The following SRSF11 variants were observed in gnomAD, a reference collection of about 807,000 sequenced individuals.
SRSF11 encodes the protein serine/arginine-rich splicing factor 11.
Under a neutral mutation model 56.0 loss-of-function variants are expected in SRSF11, and 9 were observed. That is an observed-to-expected ratio of 0.16 (90% CI 0.10 to 0.28). The LOEUF (loss-of-function observed/expected upper bound fraction) is 0.28. Among genes scored for constraint, SRSF11 ranks in the 10% least tolerant of loss-of-function variants. The probability of loss-of-function intolerance (pLI) is 1.00; values close to 1 mark genes in which losing one functional copy is unlikely to be tolerated. For synonymous variants in SRSF11, 222 were observed against 215.3 expected (o/e 1.03, Z -0.27); for missense variants, 421 against 600.7 (o/e 0.70, Z 3.13).
chr1:70,226,682 T>C (rs1671859258), intron 1 of SRSF11, among the ~76,000 whole-genome samples: 1 of 152,186 alleles, frequency 6.6e-6, no homozygotes, highest in Non-Finnish European at 1.5e-5. Flanking sequence ...AGCTTTGTAA[T>C]TTATTGATGG....
intron 2 of SRSF11, chr1:70,230,974 C>A: frequency 8.1e-7 from 1 of 1,229,592 alleles, no homozygotes; most frequent in Non-Finnish European, 1.0e-6. Context: ...CTGACACAAG[C>A]AAGATAACAG....
chr1:70,250,205 A>C, intron 10 of SRSF11, 158 bp downstream of exon 10: 1 of 1,315,472 alleles, frequency 7.6e-7, no homozygotes, highest in Non-Finnish European at 1.0e-6. Flanking sequence ...TAAGGACTGA[A>C]CATTTTAGTC....
At chr1:70,241,598 C>A (rs74774895) in intron 7 of SRSF11, among the ~76,000 whole-genome samples, 2 of 152,146 alleles carry the variant, frequency 1.3e-5, no homozygotes, top group Non-Finnish European at 2.9e-5. Flanking sequence ...TCTTTTTACA[C>A]GTGTCATTTG....
chr1:70,234,827 C>G (rs780831646), intron 4 of SRSF11, 39 bp downstream of exon 4: 1 of 1,494,972 alleles, frequency 6.7e-7, no homozygotes, highest in South Asian at 1.2e-5. Flanking sequence ...CCCATTTTTA[C>G]AGAAGATCTG....
At position 70,244,784 on chromosome 1, in the gene SRSF11, G is replaced by C. The variant is rs775320802; in HGVS notation, c.901G>C (p.Gly301Arg). Reference sequence around the variant, plus strand: ...GAGAAGATCTCATTCCAGAGAAAGAGGTAGAAGGTCAAGGAGCACATCAAA... The same window carrying C: ...GAGAAGATCTCATTCCAGAGAAAGACGTAGAAGGTCAAGGAGCACATCAAA... ...RRRRSHSRER[G>R]RRSRSTSKTR... The change falls in exon 8 of 12, where the codon GGT becomes CGT. Residue 301 changes from glycine to arginine, a missense_variant. Around this residue, in one of 2 missense-constraint regions of SRSF11, gnomAD observed 253 missense variants for 305.8 expected, o/e 0.83. Transcript: ENST00000370949. 3.1e-6 allele frequency: 5 copies of C among 1,614,118 alleles called. No individual in the cohort carries two copies. Among genetic ancestry groups the C allele is most frequent in the Non-Finnish European group, 4.2e-6 (5 of 1,180,012 alleles).
intron 3 of SRSF11, among the ~76,000 whole-genome samples, chr1:70,232,716 T>C (rs1673073790): frequency 6.6e-6 from 1 of 152,192 alleles, no homozygotes; most frequent in South Asian, 2.1e-4. Flanking sequence ...GAAGTTAAAA[T>C]TTCACAAGTG....
At chr1:70,231,214 T>C in intron 2 of SRSF11, 1 of 1,242,270 alleles carries the variant, frequency 8.0e-7, no homozygotes, top group Non-Finnish European at 1.0e-6. Context: ...GTATGTTTTA[T>C]GATGAGATGC....
intron 9 of SRSF11, chr1:70,248,384 G>C (rs530577895): frequency 3.6e-4 from 55 of 152,118 alleles, no homozygotes; most frequent in African/African-American, 1.3e-3. Flanking sequence ...CGTGTATTGC[G>C]TGATTCCTTT....
At chr1:70,210,212 A>G (rs1283842304) in intron 1 of SRSF11, among the ~76,000 whole-genome samples, 1 of 150,994 alleles carries the variant, frequency 6.6e-6, no homozygotes, top group Non-Finnish European at 1.5e-5. Context: ...GCTGGAGTGC[A>G]GAGCTCACTG....
At chr1:70,243,336 CAAAAAAAAAAAAAAAA>C (rs56098296) in intron 7 of SRSF11, among the ~76,000 whole-genome samples, 4,186 of 32,478 alleles carry the variant, frequency 0.13, 111 homozygotes, top group Non-Finnish European at 0.21. Flanking sequence ...TGGTTGGTGG[CAAAAAAAAAAAAAAAA>C]AAAAAAAAAA....
chr1:70,247,355 T>C (rs1169256572), intron 9 of SRSF11, among the ~76,000 whole-genome samples: 1 of 152,144 alleles, frequency 6.6e-6, no homozygotes, highest in Non-Finnish European at 1.5e-5. Context: ...ATCTTTAAGC[T>C]GTCAGTGAAA....
At chr1:70,243,900 A>AT (rs1408551879) in intron 7 of SRSF11, among the ~76,000 whole-genome samples, 5 of 152,268 alleles carry the variant, frequency 3.3e-5, no homozygotes, top group African/African-American at 1.2e-4. Flanking sequence ...ATAGAGGAGA[A>AT]TGAGTTTTAA....
intron 1 of SRSF11, among the ~76,000 whole-genome samples, chr1:70,209,943 C>T (rs1320501693): frequency 2.0e-5 from 3 of 151,470 alleles, no homozygotes; most frequent in African/African-American, 7.3e-5. Flanking sequence ...ACATATTTTG[C>T]ATTTTACTGA....
chr1:70,228,669 C>T, intron 2 of SRSF11, 114 bp downstream of exon 2: 1 of 1,379,830 alleles, frequency 7.2e-7, no homozygotes, highest in Non-Finnish European at 9.4e-7. Context: ...ATTTTTAAAC[C>T]CTTGTTATAC....
intron 1 of SRSF11, among the ~76,000 whole-genome samples, chr1:70,208,291 A>G (rs149191795): frequency 1.0e-3 from 152 of 152,254 alleles, no homozygotes; most frequent in African/African-American, 1.6e-3. Context: ...ACTGACATAT[A>G]TAAGAATGTA....
chr1:70,210,607 C>T (rs973740399), intron 1 of SRSF11, among the ~76,000 whole-genome samples: 9 of 152,128 alleles, frequency 5.9e-5, no homozygotes, highest in South Asian at 2.1e-4. Context: ...CCCAGCTACT[C>T]AGGAGACTGA....
intron 1 of SRSF11, among the ~76,000 whole-genome samples, chr1:70,215,642 C>T (rs1012740449): frequency 2.0e-5 from 3 of 152,090 alleles, no homozygotes; most frequent in African/African-American, 7.2e-5. Flanking sequence ...TTGCTTGTGC[C>T]GATTTGCAAA....
intron 7 of SRSF11, among the ~76,000 whole-genome samples, chr1:70,244,076 G>A (rs3767207): frequency 0.12 from 17,943 of 152,190 alleles, 1,252 homozygotes; most frequent in East Asian, 0.3. Context: ...GTATATATCT[G>A]TAAAAGGTCT....
At chr1:70,229,785 T>C (rs1672509887) in intron 2 of SRSF11, 1 of 983,878 alleles carries the variant, frequency 1.0e-6, no homozygotes, top group Admixed American at 6.1e-5. Context: ...TCTGGTTTTC[T>C]AAAGAAATTA....
Sources: allele counts gnomAD v4.1 joint callset (sites outside exome capture counted in the v4.1 genomes callset), GRCh38; gene constraint gnomAD v4.1.1; regional missense constraint gnomAD v4.1.1; transcripts MANE v1.5; gene names NCBI Gene and HGNC (gene_info 2026-07-23, HGNC 2026-07-21).